The following PHF20 variants were observed in gnomAD, a reference collection of about 807,000 sequenced individuals.
PHF20 encodes the protein PHD finger protein 20, also known as glioma-expressed antigen 2.
Under a neutral mutation model 113.5 loss-of-function variants are expected in PHF20, and 23 were observed. The ratio of observed to expected loss-of-function variants is 0.20; its 90% CI spans 0.15 to 0.29. The LOEUF is 0.29. Among genes scored for constraint, PHF20 ranks in the 10% least tolerant of loss-of-function variants. PHF20 has a pLI of 1.00. For missense variants in PHF20, 943 were observed against 1,219.6 expected, an observed-to-expected ratio of 0.77 and a Z score of 3.38; for synonymous variants, 434 against 457.3, an observed-to-expected ratio of 0.95 and a Z score of 0.65.
chr20:35,923,461 A>G (rs2055559356), intron 13 of PHF20, among the ~76,000 whole-genome samples: 1 of 152,194 alleles, frequency 6.6e-6, no homozygotes, highest in African/African-American at 2.4e-5. Flanking sequence ...AAAATTAAGT[A>G]AATAAAAATT....
At chr20:35,816,114 G>C (rs1316726522) in intron 2 of PHF20, among the ~76,000 whole-genome samples, 2 of 151,460 alleles carry the variant, frequency 1.3e-5, no homozygotes, top group Non-Finnish European at 2.9e-5. Context: ...GCGCCACCAT[G>C]CCCAGCCGAT....
chr20:35,779,885 G>A lies in PHF20; in HGVS notation c.-33+7806G>A, dbSNP rs150228723. On this transcript the variant is annotated intron_variant, in intron 1 of 17. Coordinates refer to ENST00000374012, the MANE Select transcript of PHF20 (RefSeq NM_016436.5). ...TTTCGAGGTTGTGGAAACTTGGTCTGGAAATGTGGGCATTTTACAATAATG... is the reference window on the plus strand; with the variant it reads ...TTTCGAGGTTGTGGAAACTTGGTCTAGAAATGTGGGCATTTTACAATAATG... Among the ~76,000 whole-genome samples, 88 of 152,256 alleles carry A rather than the reference G, an allele frequency of 5.8e-4. 1 individual carries two copies. The highest frequency in any genetic ancestry group is 2.0e-3 in the African/African-American group (84 of 41,526).
intron 2 of PHF20, among the ~76,000 whole-genome samples, chr20:35,811,658 G>A (rs2041979925): frequency 6.6e-6 from 1 of 152,052 alleles, no homozygotes; most frequent in African/African-American, 2.4e-5. Flanking sequence ...TAGGCTGGTT[G>A]AGAACTCCTG....
chr20:35,857,366 A>G (rs2146962185), intron 4 of PHF20, among the ~76,000 whole-genome samples: 1 of 152,240 alleles, frequency 6.6e-6, no homozygotes, highest in Non-Finnish European at 1.5e-5. Context: ...ACGGATCTTT[A>G]TTGAATAATT....
intron 1 of PHF20, among the ~76,000 whole-genome samples, chr20:35,798,295 C>G (rs1159438548): frequency 1.3e-5 from 2 of 151,952 alleles, no homozygotes; most frequent in African/African-American, 4.8e-5. Flanking sequence ...CACCTGTAGT[C>G]CCAGGTGCTT....
chr20:35,945,950 A>T (rs2056076514), intron 17 of PHF20, among the ~76,000 whole-genome samples: 1 of 152,096 alleles, frequency 6.6e-6, no homozygotes, highest in South Asian at 2.1e-4. Flanking sequence ...CAGGTGGATC[A>T]CCTGAGGTCA....
At chr20:35,934,032 G>T (rs1408182059) in intron 15 of PHF20, among the ~76,000 whole-genome samples, 1 of 152,214 alleles carries the variant, frequency 6.6e-6, no homozygotes, top group Non-Finnish European at 1.5e-5. Context: ...AGTATAGTCT[G>T]TGTCAGGGAC....
intron 14 of PHF20, among the ~76,000 whole-genome samples, chr20:35,929,416 G>A (rs1287015847): frequency 2.0e-5 from 3 of 152,224 alleles, no homozygotes; most frequent in African/African-American, 7.2e-5. Context: ...GATTTGACAG[G>A]TGAACAAACA....
intron 15 of PHF20, among the ~76,000 whole-genome samples, chr20:35,938,009 C>T (rs1488498552): frequency 1.3e-5 from 2 of 152,090 alleles, no homozygotes; most frequent in Non-Finnish European, 2.9e-5. Flanking sequence ...GTAGCTGGGA[C>T]AACAGGCACC....
intron 1 of PHF20, among the ~76,000 whole-genome samples, chr20:35,792,775 C>T (rs189692567): frequency 1.3e-5 from 2 of 152,234 alleles, no homozygotes; most frequent in East Asian, 3.9e-4. Flanking sequence ...TAGTATACCA[C>T]CATTGCCATC....
intron 2 of PHF20, among the ~76,000 whole-genome samples, chr20:35,813,627 AGGC>A: frequency 6.6e-6 from 1 of 152,146 alleles, no homozygotes; most frequent in Non-Finnish European, 1.5e-5. Flanking sequence ...TGGGAGGCCT[AGGC>A]AGGTGGATCA....
intron 1 of PHF20, among the ~76,000 whole-genome samples, chr20:35,787,337 G>A (rs920998093): frequency 9.6e-5 from 14 of 146,568 alleles, no homozygotes; most frequent in African/African-American, 3.5e-4. Flanking sequence ...GCACCACCAT[G>A]CCCAGTTAAT....
In PHF20 at chr20:35,917,517, G is replaced by A. The variant is rs747910681; in HGVS notation, c.1859G>A (p.Ser620Asn). The A allele has an allele frequency of 9.3e-6, 15 of 1,613,908 alleles. No individual in the cohort carries two copies. The East Asian group carries it at 1.8e-4, about 19-fold the overall frequency. The change falls in exon 13 of 18, where the codon AGC becomes AAC. Residue 620 changes from serine to asparagine, a missense_variant. Coordinates refer to ENST00000374012, the MANE Select transcript of PHF20 (RefSeq NM_016436.5). ...EDNLSESSSE[S>N]FLWSDDEYGQ... is the part of the protein sequence containing the mutation. ...AATTTGAGTGAGTCCTCTTCTGAGAGCTTTCTCTGGAGTGATGATGAGTAT... is the reference window on the plus strand; with the variant it reads ...AATTTGAGTGAGTCCTCTTCTGAGAACTTTCTCTGGAGTGATGATGAGTAT...
chr20:35,795,997 C>T (rs1193258644), intron 1 of PHF20, among the ~76,000 whole-genome samples: 3 of 152,002 alleles, frequency 2.0e-5, no homozygotes, highest in Non-Finnish European at 2.9e-5. Flanking sequence ...ACTACAGGTG[C>T]GCACCACCAT....
chr20:35,813,939 A>G (rs1340669079), intron 2 of PHF20, among the ~76,000 whole-genome samples: 3 of 149,294 alleles, frequency 2.0e-5, no homozygotes, highest in Non-Finnish European at 4.5e-5. Context: ...CTCAGAAAAA[A>G]AAAAAAAAAA....
Position 35,858,332 on chromosome 20 carries a change from T to C in PHF20, c.371T>C (p.Val124Ala). ...GTYTVKFYDGVVQTVKHIHVK... is the reference protein window; with the variant it reads ...GTYTVKFYDGAVQTVKHIHVK... The stretch of plus-strand genomic sequence containing the variant: ...TACACTGTGAAATTTTATGATGGAG[T>C]AGTTCAGACTGTCAAACATATTCAT... Residue 124 changes from valine (V) to alanine (A), a missense_variant, in exon 5 of 18, where the codon GTA becomes GCA. Physicochemically the swap from Val to Ala is moderately conservative, Grantham distance 64 (BLOSUM62 0). Transcript: ENST00000374012. The C allele has an allele frequency of 1.3e-6, 2 of 1,590,048 alleles. No individual in the cohort carries two copies. The highest frequency in any genetic ancestry group is 1.7e-6 in the Non-Finnish European group (2 of 1,160,092).
chr20:35,903,885 C>G (rs1200083233), intron 10 of PHF20, among the ~76,000 whole-genome samples: 2 of 152,324 alleles, frequency 1.3e-5, no homozygotes, highest in Non-Finnish European at 1.5e-5. Context: ...CTGCAGCTCT[C>G]CAGAAGGCAC....
intron 9 of PHF20, among the ~76,000 whole-genome samples, chr20:35,891,452 T>C (rs567557660): frequency 2.0e-5 from 3 of 151,574 alleles, no homozygotes; most frequent in South Asian, 2.1e-4. Context: ...CCAACTGTTA[T>C]ACAAATAGAA....
intron 9 of PHF20, among the ~76,000 whole-genome samples, chr20:35,879,494 T>G (rs2054587486): frequency 6.6e-6 from 1 of 152,176 alleles, no homozygotes; most frequent in South Asian, 2.1e-4. Context: ...CTTTGCTTAT[T>G]TTTTCTGTAA....
Sources: gnomAD v4.1 joint callset for allele counts (sites outside exome capture counted in the v4.1 genomes callset) on GRCh38, gnomAD v4.1.1 for gene constraint, MANE v1.5 for transcripts, NCBI Gene and HGNC (gene_info 2026-07-23, HGNC 2026-07-21) for gene names.